Variants in TFEC observed in about 807,000 individuals in gnomAD.
TFEC encodes the protein transcription factor EC.
Under a neutral mutation model 41.6 loss-of-function variants are expected in TFEC, and 31 were observed. The observed-to-expected ratio is 0.74, with a 90% CI of 0.56 to 1.01. The LOEUF (loss-of-function observed/expected upper bound fraction) is 1.01, where lower values mean the gene tolerates loss of function less well. Ranked by LOEUF, TFEC falls within the 50% of genes least tolerant of loss-of-function variation. TFEC has a pLI of 0.00. For missense variants in TFEC, 402 were observed against 404.1 expected, an observed-to-expected ratio of 0.99 and a Z score of 0.04; for synonymous variants, 143 against 140.6, an observed-to-expected ratio of 1.02 and a Z score of -0.12.
chr7:116,051,120 G>A (rs1037478365), intron 3 of TFEC, among the ~76,000 whole-genome samples: 2 of 152,084 alleles, frequency 1.3e-5, no homozygotes, highest in African/African-American at 4.8e-5. Flanking sequence ...ATGCAGGGTG[G>A]GGAACATCAC....
chr7:115,961,583 C>T (rs954519309), intron 3 of TFEC, among the ~76,000 whole-genome samples: 1 of 150,568 alleles, frequency 6.6e-6, no homozygotes, highest in Non-Finnish European at 1.5e-5. Flanking sequence ...CAAAACAATA[C>T]AAAGATAGAT....
intron 1 of TFEC, among the ~76,000 whole-genome samples, chr7:116,124,891 T>C (rs1444131624): frequency 6.6e-6 from 1 of 152,198 alleles, no homozygotes; most frequent in African/African-American, 2.4e-5. Context: ...AAACAAAGAA[T>C]GCAAATGGCC....
chr7:116,118,497 A>G (rs1199954379), intron 1 of TFEC, among the ~76,000 whole-genome samples: 1 of 151,794 alleles, frequency 6.6e-6, no homozygotes, highest in Non-Finnish European at 1.5e-5. Context: ...ACCTGCTGGC[A>G]TCTTTTCCTA....
chr7:116,085,148 G>A (rs1275100953), intron 3 of TFEC, among the ~76,000 whole-genome samples: 1 of 151,838 alleles, frequency 6.6e-6, no homozygotes, highest in Non-Finnish European at 1.5e-5. Flanking sequence ...AGCTTGCTGG[G>A]CTTGAGGAGC....
At chr7:116,008,378 C>A (rs1360942856) in intron 1 of TFEC, among the ~76,000 whole-genome samples, 1 of 152,112 alleles carries the variant, frequency 6.6e-6, no homozygotes, top group Non-Finnish European at 1.5e-5. Context: ...CACATGCATG[C>A]ACATAGGCAC....
chr7:116,105,970 A>G (rs141700192), intron 3 of TFEC, among the ~76,000 whole-genome samples: 320 of 152,202 alleles, frequency 2.1e-3, no homozygotes, highest in Middle Eastern at 6.8e-3. Context: ...GTTGTAGAAA[A>G]GAAAGAATTT....
Position 115,946,050 on chromosome 7 carries a change from T to C in TFEC, c.516-4010A>G, listed in dbSNP as rs1267344209. The stretch of plus-strand genomic sequence containing the variant: ...ACTAGAAAGGAGTCTTTAGATAAAG[T>C]TTTTATTAAAATTTGGAGTAATAAT... On this transcript the variant is annotated intron_variant, in intron 6 of 7. Transcript: ENST00000265440. 2.6e-5 allele frequency among the ~76,000 whole-genome samples: 4 copies of C among 151,932 alleles called. No individual in the cohort carries two copies. In the East Asian group the frequency reaches 7.8e-4, roughly 30 times the overall value.
rs530192619 is a variant in TFEC, at chr7:116,064,597, G to A, written c.198+46111C>T. Among the ~76,000 whole-genome samples the A allele has an allele frequency of 5.3e-5, 8 of 152,094 alleles. 1 individual carries two copies. Among genetic ancestry groups the A allele is most frequent in the Admixed American group, 5.2e-4 (8 of 15,272 alleles). ...GCATTAGGACAAATACCTAATGCAT[G>A]GGTGGCTTAAAACCTAGATGACGGG... On this transcript the variant is annotated intron_variant, in intron 3 of 8. Coordinates refer to the TFEC transcript ENST00000484212.
At chr7:116,011,582 T>A (rs976735913) in intron 1 of TFEC, among the ~76,000 whole-genome samples, 1 of 152,182 alleles carries the variant, frequency 6.6e-6, no homozygotes, top group South Asian at 2.1e-4. Flanking sequence ...TTAATAAGAA[T>A]TAATTGTCCA....
chr7:116,018,526 G>T (rs1795277776), intron 1 of TFEC, among the ~76,000 whole-genome samples: 1 of 152,146 alleles, frequency 6.6e-6, no homozygotes, highest in African/African-American at 2.4e-5. Flanking sequence ...AAAAACAGGT[G>T]TAAGTGAGAC....
intron 1 of TFEC, among the ~76,000 whole-genome samples, chr7:116,029,226 T>C (rs538673887): frequency 6.6e-6 from 1 of 152,064 alleles, no homozygotes; most frequent in Non-Finnish European, 1.5e-5. Flanking sequence ...GAAAATTATA[T>C]GTATTCCATT....
intron 1 of TFEC, among the ~76,000 whole-genome samples, chr7:116,137,816 TAATC>T (rs1228818897): frequency 6.6e-6 from 1 of 152,100 alleles, no homozygotes; most frequent in Non-Finnish European, 1.5e-5. Context: ...TTTTTATTGA[TAATC>T]AACTTAAATG....
At chr7:116,036,015 G>T (rs1795901027) in intron 3 of TFEC, among the ~76,000 whole-genome samples, 1 of 151,850 alleles carries the variant, frequency 6.6e-6, no homozygotes, top group African/African-American at 2.4e-5. Flanking sequence ...AAATCTCTAA[G>T]AAAATAATTA....
intron 1 of TFEC, among the ~76,000 whole-genome samples, chr7:115,986,706 C>T (rs963564349): frequency 5.2e-5 from 7 of 134,948 alleles, no homozygotes; most frequent in Non-Finnish European, 1.1e-4. Flanking sequence ...AATGAGAACA[C>T]TTGGACACAC....
intron 1 of TFEC, among the ~76,000 whole-genome samples, chr7:116,006,662 G>A (rs1186707939): frequency 6.6e-6 from 1 of 152,158 alleles, no homozygotes; most frequent in Non-Finnish European, 1.5e-5. Context: ...ATGCTGAAAT[G>A]GGTTAAGACT....
At position 115,938,362 on chromosome 7, in the gene TFEC, T is replaced by C. The variant is rs1793330264; in HGVS notation, c.*2189A>G. ...TAATTTTTAACATTTAATCAAATTA[T>C]CAACTCAGATAATGAAGTGGAATTT... On this transcript the variant is annotated 3_prime_UTR_variant, in exon 8 of 8. Coordinates refer to ENST00000265440, the MANE Select transcript of TFEC (RefSeq NM_012252.4). 6.6e-6 allele frequency: 1 copy of C among 151,960 alleles called. No individual in the cohort carries two copies. The allele number at this position is 151,960 out of a possible 1,614,324, so 9.4% of individuals were successfully genotyped here.
intron 3 of TFEC, among the ~76,000 whole-genome samples, chr7:115,969,332 T>G (rs1793024277): frequency 1.3e-5 from 2 of 151,848 alleles, no homozygotes; most frequent in African/African-American, 4.8e-5. Flanking sequence ...AGATCATTTG[T>G]GTTACACTAC....
intron 1 of TFEC, among the ~76,000 whole-genome samples, chr7:116,136,066 A>C (rs1424025229): frequency 3.9e-5 from 6 of 152,052 alleles, no homozygotes; most frequent in African/African-American, 1.4e-4. Context: ...CTTTGGTTCA[A>C]TTACACCAAT....
chr7:116,045,293 T>C (rs1400464661), intron 3 of TFEC, among the ~76,000 whole-genome samples: 2 of 152,238 alleles, frequency 1.3e-5, no homozygotes, highest in Non-Finnish European at 2.9e-5. Context: ...ATTTTAGCAA[T>C]GAGACTGGCG....
Sources: allele counts gnomAD v4.1 joint callset (sites outside exome capture counted in the v4.1 genomes callset), GRCh38; gene constraint gnomAD v4.1.1; transcripts MANE v1.5; gene names NCBI Gene and HGNC (gene_info 2026-07-23, HGNC 2026-07-21).